The following RBMS1 variants were observed in gnomAD, a reference collection of about 807,000 sequenced individuals.
The protein encoded by RBMS1 is RNA binding motif single stranded interacting protein 1, also known as RNA-binding motif, single-stranded-interacting protein 1.
RBMS1 carries 17 observed loss-of-function variants against 62.3 expected under a neutral mutation model. That is an observed-to-expected ratio of 0.27 (90% CI 0.19 to 0.41). The LOEUF (loss-of-function observed/expected upper bound fraction) is 0.41. RBMS1 is among the 10% of genes least tolerant of loss of function. The pLI, the probability that RBMS1 is intolerant of heterozygous loss-of-function variation, is 1.00. For missense variants in RBMS1, 334 were observed against 504.5 expected (o/e 0.66, Z 3.24); for synonymous variants, 172 against 170.0 (o/e 1.01, Z -0.09).
At chr2:160,368,708 G>C (rs1026477302) in intron 1 of RBMS1, among the ~76,000 whole-genome samples, 4 of 152,022 alleles carry the variant, frequency 2.6e-5, no homozygotes, top group African/African-American at 4.8e-5. Flanking sequence ...GTGCAATCTC[G>C]GCTCACCGGA....
At chr2:160,454,541 A>T (rs1280320077) in intron 1 of RBMS1, among the ~76,000 whole-genome samples, 2 of 152,218 alleles carry the variant, frequency 1.3e-5, no homozygotes, top group African/African-American at 2.4e-5. Context: ...GGAATTAACC[A>T]TGTAAAGAAT....
chr2:160,392,994 C>T (rs1409236375), intron 1 of RBMS1, among the ~76,000 whole-genome samples: 1 of 152,144 alleles, frequency 6.6e-6, no homozygotes, highest in South Asian at 2.1e-4. Flanking sequence ...TTTTTCTGCA[C>T]CCCTTTTAAA....
intron 1 of RBMS1, among the ~76,000 whole-genome samples, chr2:160,382,508 A>C (rs1694329846): frequency 6.6e-6 from 1 of 152,212 alleles, no homozygotes; most frequent in South Asian, 2.1e-4. Flanking sequence ...CTTTGCATAC[A>C]TGGGGTATAT....
intron 1 of RBMS1, among the ~76,000 whole-genome samples, chr2:160,462,209 G>A (rs1389186591): frequency 6.6e-6 from 1 of 152,164 alleles, no homozygotes; most frequent in African/African-American, 2.4e-5. Context: ...TGCCTTGTGA[G>A]AAAAACCAAT....
intron 1 of RBMS1, among the ~76,000 whole-genome samples, chr2:160,480,230 A>C (rs1414125985): frequency 6.6e-6 from 1 of 152,200 alleles, no homozygotes; most frequent in Non-Finnish European, 1.5e-5. Flanking sequence ...TGTCACAACA[A>C]CATCAAATAA....
intron 1 of RBMS1, chr2:160,407,555 T>TGCGGGCGCGGGC (rs1027243944): frequency 1.1e-4 from 106 of 983,566 alleles, no homozygotes; most frequent in Admixed American, 1.3e-4. Context: ...CGGCGGCGGG[T>TGCGGGCGCGGGC]GCGGGCGCGG....
intron 1 of RBMS1, among the ~76,000 whole-genome samples, chr2:160,449,576 C>T (rs377396703): frequency 2.6e-5 from 4 of 152,096 alleles, no homozygotes; most frequent in Non-Finnish European, 5.9e-5. Context: ...CAGGGTTAAA[C>T]GGATTAAGGG....
intron 1 of RBMS1, among the ~76,000 whole-genome samples, chr2:160,385,263 A>G (rs1694507233): frequency 1.3e-5 from 2 of 152,376 alleles, no homozygotes; most frequent in African/African-American, 2.4e-5. Context: ...GAGGGCACAC[A>G]TGACCAGTTC....
intron 6 of RBMS1, among the ~76,000 whole-genome samples, chr2:160,291,439 G>A (rs1032403425): frequency 6.6e-6 from 1 of 152,164 alleles, no homozygotes; most frequent in African/African-American, 2.4e-5. Flanking sequence ...CAAGGAACTA[G>A]CTGCTGCTTT....
chr2:160,300,001 GAAC>G (rs1317805612), intron 6 of RBMS1, among the ~76,000 whole-genome samples: 1 of 152,200 alleles, frequency 6.6e-6, no homozygotes, highest in East Asian at 1.9e-4. Context: ...ATGACAGTGT[GAAC>G]AAGGGATGGG....
At chr2:160,282,465 A>G (rs576329189) in intron 9 of RBMS1, 1 of 473,146 alleles carries the variant, frequency 2.1e-6, no homozygotes, top group South Asian at 1.7e-5. Context: ...CCACTCCAAC[A>G]TGAGTGCAGG....
At chr2:160,423,477 A>T (rs1341036289) in intron 1 of RBMS1, among the ~76,000 whole-genome samples, 1 of 151,906 alleles carries the variant, frequency 6.6e-6, no homozygotes, top group Non-Finnish European at 1.5e-5. Context: ...GGACGTTTGC[A>T]CTTCACTGCC....
At chr2:160,407,869 G>C (rs1360019274) in intron 1 of RBMS1, 2 of 981,216 alleles carry the variant, frequency 2.0e-6, no homozygotes, top group African/African-American at 1.8e-5. Context: ...CAGCGCCGCC[G>C]CGTCCCCACC....
At chr2:160,419,285 C>G (rs1015173663) in intron 1 of RBMS1, among the ~76,000 whole-genome samples, 5 of 152,254 alleles carry the variant, frequency 3.3e-5, no homozygotes, top group Admixed American at 2.6e-4. Context: ...ATATATCAGG[C>G]TAAAAAATAT....
At chr2:160,324,347 G>A (rs1165290195) in intron 2 of RBMS1, among the ~76,000 whole-genome samples, 1 of 152,220 alleles carries the variant, frequency 6.6e-6, no homozygotes, top group Non-Finnish European at 1.5e-5. Context: ...GCTCTGGAGA[G>A]TGGCGTCCAC....
At chr2:160,383,905 T>G (rs930872728) in intron 1 of RBMS1, among the ~76,000 whole-genome samples, 2 of 152,144 alleles carry the variant, frequency 1.3e-5, no homozygotes, top group African/African-American at 4.8e-5. Flanking sequence ...AGTAAATAAA[T>G]AAAAACTTAA....
intron 2 of RBMS1, among the ~76,000 whole-genome samples, chr2:160,365,735 T>G (rs909262071): frequency 6.6e-6 from 1 of 152,244 alleles, no homozygotes; most frequent in African/African-American, 2.4e-5. Context: ...TTCTTCTGCT[T>G]CTTACAGTCA....
chr2:160,293,822 T>G (rs1470450533), intron 6 of RBMS1, among the ~76,000 whole-genome samples: 1 of 152,200 alleles, frequency 6.6e-6, no homozygotes, highest in East Asian at 1.9e-4. Context: ...TAGAAGAGCA[T>G]TTTTAGACAA....
At position 160,281,324 on chromosome 2, in the gene RBMS1, A is replaced by G. The variant is rs769228522; in HGVS notation, c.941T>C (p.Leu314Pro). ...AGATAAAAAACTTACAGGGTGCTGT[A>G]GAATATATGGTTGAGGTTGCATCCA... ...PSWMQPQPYI[L>P]QHPGAVLTPS... is the part of the protein sequence containing the mutation. Residue 314 changes from leucine (L) to proline (P), a missense_variant, in exon 10 of 14, where the codon CTA becomes CCA. Physicochemically the swap from Leu to Pro is moderately conservative, Grantham distance 98. Coordinates refer to ENST00000348849, the MANE Select transcript of RBMS1 (RefSeq NM_016836.4). 8 of 1,608,204 alleles carry G rather than the reference A, an allele frequency of 5.0e-6. No individual in the cohort carries two copies. The highest frequency in any genetic ancestry group is 6.8e-6 in the Non-Finnish European group (8 of 1,176,256).
Sources: allele counts gnomAD v4.1 joint callset (sites outside exome capture counted in the v4.1 genomes callset), GRCh38; gene constraint gnomAD v4.1.1; transcripts MANE v1.5; gene names NCBI Gene and HGNC (gene_info 2026-07-23, HGNC 2026-07-21).